Variants in LILRB2 observed in about 807,000 individuals in gnomAD.
LILRB2 encodes leukocyte immunoglobulin like receptor B2, also known as leukocyte immunoglobulin-like receptor subfamily B member 2.
A neutral mutation model predicts 72.7 loss-of-function variants in LILRB2; 47 were observed. The ratio of observed to expected loss-of-function variants is 0.65; its 90% confidence interval spans 0.51 to 0.82. LILRB2 has a LOEUF of 0.82. LILRB2 is among the 40% of genes least tolerant of loss of function. The pLI is 0.00. For synonymous variants in LILRB2, 279 were observed against 313.7 expected (o/e 0.89, Z 1.17); for missense variants, 767 against 764.8 (o/e 1.00, Z -0.03).
rs2080469426 is a variant in LILRB2, at chr19:54,279,910, T to C, written c.236A>G (p.Lys79Arg). ...GGATGGGATGTGGAACTGGCCGTTC[T>C]TCACAAGCTCTGGTCGTATCCGTGT... The part of the protein sequence containing the change: ...WITRIRPELV[K>R]NGQFHIPSIT... Residue 79 changes from lysine (K) to arginine (R), a missense_variant, in exon 4 of 14, where the codon AAG (lysine) becomes AGG (arginine). Coordinates refer to ENST00000314446, the MANE Select transcript of LILRB2 (RefSeq NM_001080978.4). The C allele has an allele frequency of 1.2e-6, 2 of 1,614,164 alleles. No homozygotes were observed. The highest frequency in any genetic ancestry group is 2.7e-5 in the African/African-American group (2 of 75,038).
Position 54,278,471 on chromosome 19 carries a change from C to T in LILRB2, c.1047G>A (p.Arg349=), listed in dbSNP as rs745320096. The T allele has an allele frequency of 1.3e-6, 2 of 1,520,094 alleles. No individual in the cohort carries two copies. Among genetic ancestry groups the T allele is most frequent in the East Asian group, 4.5e-5 (2 of 44,262 alleles). 94.2% of individuals were successfully genotyped at this position (1,520,094 alleles called of 1,614,324 possible). The change falls in exon 7 of 14, where the codon CGG becomes CGA. Residue 349 remains arginine, a synonymous_variant. Coordinates refer to ENST00000314446, the MANE Select transcript of LILRB2 (RefSeq NM_001080978.4). ...TGGTCAGAAGGAAAGTGTGGAACTGCCGCCATGACTGACACAGCAGGGTCA... is the reference window on the plus strand; with the variant it reads ...TGGTCAGAAGGAAAGTGTGGAACTGTCGCCATGACTGACACAGCAGGGTCA... The part of the protein sequence containing the change: ...ENVTLLCQSW[R]QFHTFLLTKA...
chr19:54,280,157 C>G, intron 3 of LILRB2, 82 bp from the exon 4 acceptor site: 1 of 1,609,112 alleles, frequency 6.2e-7, no homozygotes, highest in Admixed American at 1.7e-5. Flanking sequence ...CTCCAGATGC[C>G]CCCATCAGTC....
rs144777644 is a variant in LILRB2 at position 54,279,530 on chromosome 19, T to A, written c.473A>T (p.Glu158Val). 4.4e-4 allele frequency: 706 copies of A among 1,614,062 alleles called. 2 individuals are homozygous for A. The African/African-American group carries it at 5.4e-3, about 12-fold the overall frequency. ...VAFGGFILCK[E>V]GEDEHPQCLN... is the part of the protein sequence containing the mutation. ...GCATTGTGGGTGTTCATCTTCTCCT[T>A]CCTTACACAGAATGAAGCCGCCAAA... Residue 158 changes from glutamate to valine, a missense_variant, in exon 5 of 14, where the codon GAA (glutamate) becomes GTA (valine). By Grantham distance (121) the Glu-to-Val change is moderately radical. Around this residue, in one of 3 missense-constraint regions of LILRB2, gnomAD observed 599 missense variants for 568.2 expected, o/e 1.05. Transcript: ENST00000314446.
intron 5 of LILRB2, 91 bp downstream of exon 5, chr19:54,279,254 C>A: frequency 6.5e-7 from 1 of 1,544,474 alleles, no homozygotes; most frequent in Non-Finnish European, 8.8e-7. Flanking sequence ...CATCATCCCA[C>A]CTGGAACTGC....
chr19:54,275,887 G>A, intron 13 of LILRB2, 64 bp downstream of exon 13: 1 of 1,586,514 alleles, frequency 6.3e-7, no homozygotes, highest in South Asian at 1.1e-5. Flanking sequence ...GGACAGAGAA[G>A]TCCTGCTGGA....
At position 54,278,978 on chromosome 19, in the gene LILRB2, G is replaced by A; in HGVS notation, c.789C>T (p.Asp263=). Residue 263 remains aspartate (D), a synonymous_variant, in exon 6 of 14, where the codon GAC becomes GAT. Coordinates refer to ENST00000314446, the MANE Select transcript of LILRB2 (RefSeq NM_001080978.4). ...RFVLYKEGER[D]LRQLPGRQPQ... ...GCTGCCGGCCAGGGAGCTGGCGAAG[G>A]TCACGTTCCCCCTCCTTGTACAGAA... The A allele has an allele frequency of 6.2e-7, 1 of 1,614,090 alleles. No homozygotes were observed. Among genetic ancestry groups the A allele is most frequent in the Non-Finnish European group, 8.5e-7 (1 of 1,179,972 alleles).
Position 54,276,428 on chromosome 19 carries a change from A to T in LILRB2, c.1509T>A (p.Pro503=), listed in dbSNP as rs2080230921. ...STQRKADFQH[P]AGAVGPEPTD... ...TGGGCTCTGGCCCCACAGCCCCTGC[A>T]GGATGTTGGAAATCAGCCTTTCTCT... The change falls in exon 11 of 14, where the codon CCT becomes CCA. Residue 503 remains proline (P), a synonymous_variant. Coordinates refer to ENST00000314446, the MANE Select transcript of LILRB2 (RefSeq NM_001080978.4). 2 of 1,597,870 alleles carry T rather than the reference A, an allele frequency of 1.3e-6. No individual in the cohort carries two copies. The highest frequency in any genetic ancestry group is 1.7e-6 in the Non-Finnish European group (2 of 1,167,814).
Position 54,277,894 on chromosome 19 carries a change from G to T in LILRB2, c.1304C>A (p.Thr435Lys). 6.5e-7 allele frequency: 1 copy of T among 1,548,082 alleles called. No individual in the cohort carries two copies. The highest frequency in any genetic ancestry group is 8.7e-7 in the Non-Finnish European group (1 of 1,144,754). Residue 435 changes from threonine to lysine, a missense_variant, in exon 8 of 14, where the codon ACA becomes AAA. By Grantham distance (78) the Thr-to-Lys change is moderately conservative. Around this residue, in one of 3 missense-constraint regions of LILRB2, gnomAD observed 599 missense variants for 568.2 expected, o/e 1.05. Coordinates refer to ENST00000314446, the MANE Select transcript of LILRB2 (RefSeq NM_001080978.4). The stretch of plus-strand genomic sequence containing the variant: ...CAGAGGCCTCAGGGACTCACCAGGT[G>T]TGGAGATGGGACCGGTGGGTGGGGG... ...SSPPPTGPIS[T>K]PGPEDQPLTP...
At position 54,278,949 on chromosome 19, in the gene LILRB2, T is replaced by A; in HGVS notation, c.818A>T (p.Gln273Leu). 6.2e-7 allele frequency: 1 copy of A among 1,614,142 alleles called. No homozygotes were observed. The highest frequency in any genetic ancestry group is 8.5e-7 in the Non-Finnish European group (1 of 1,179,994). The part of the protein sequence containing the change: ...DLRQLPGRQP[Q>L]AGLSQANFTL... ...GAAGTTGGCCTGGGAGAGCCCAGCC[T>A]GGGGCTGCCGGCCAGGGAGCTGGCG... Residue 273 changes from glutamine (Q) to leucine (L), a missense_variant, in exon 6 of 14, where the codon CAG (glutamine) becomes CTG (leucine). Transcript: ENST00000314446.
chr19:54,275,957 G>C lies in LILRB2; in HGVS notation c.1641C>G (p.Asp547Glu), dbSNP rs146402107. 6.2e-7 allele frequency: 1 copy of C among 1,613,996 alleles called. No homozygotes were observed. The highest frequency in any genetic ancestry group is 8.5e-7 in the Non-Finnish European group (1 of 1,179,970). Residue 547 changes from aspartate to glutamate, a missense_variant, in exon 13 of 14, where the codon GAC becomes GAG. By Grantham distance (45) the Asp-to-Glu change is conservative. Around this residue, in one of 3 missense-constraint regions of LILRB2, gnomAD observed 162 missense variants for 176.7 expected, o/e 0.92. Transcript: ENST00000314446. ...GACAGGGGCGGGGTCTCACCCGAGT[G>C]TCCATCTCCACCCCATCTTCAGGCT... ...DTQPEDGVEM[D>E]TRAAASEAPQ... is the part of the protein sequence containing the mutation.
chr19:54,280,093 G>A lies in LILRB2; in HGVS notation c.71-18C>T. 1 of 1,612,990 alleles carries A rather than the reference G, an allele frequency of 6.2e-7. No individual in the cohort carries two copies. The highest frequency in any genetic ancestry group is 1.3e-5 in the African/African-American group (1 of 74,910). On this transcript the variant is annotated intron_variant, in intron 3 of 13. Transcript: ENST00000314446. ...GATGGTCCCTGGAAGGAAATCAAAG[G>A]TCAGATTCGAAGTCATTTCCCACCC... is the stretch of plus-strand genomic sequence containing the variant.
chr19:54,276,168 C>T, intron 12 of LILRB2, 96 bp downstream of exon 12: 1 of 1,593,718 alleles, frequency 6.3e-7, no homozygotes, highest in Non-Finnish European at 8.6e-7. Context: ...ACCCTGAGCC[C>T]CAGACCCTTT....
Position 54,276,793 on chromosome 19 carries a change from C to T in LILRB2, c.1480+14G>A, listed in dbSNP as rs1473998837. The stretch of plus-strand genomic sequence containing the variant: ...CCCTCGGTCGGCCCACAGGGTTTCC[C>T]CTTCCCTACTCACTCGATGTCCAGT... On this transcript the variant is annotated intron_variant, in intron 10 of 13. Transcript: ENST00000314446. 2 of 1,611,844 alleles carry T rather than the reference C, an allele frequency of 1.2e-6. No homozygotes were observed. The highest frequency in any genetic ancestry group is 1.7e-5 in the Admixed American group (1 of 59,918).
rs952239276 is a variant in LILRB2 at position 54,274,613 on chromosome 19, G to GGGCA, written c.*66_*69dup. On this transcript the variant is annotated 3_prime_UTR_variant, in exon 14 of 14. Transcript: ENST00000314446. ...ACTGGGGTTCATTGGTGTCCACTGG[G>GGGCA]GGCAGCTCCCGTGCCTTCAGCAGTC... 5.0e-6 allele frequency: 8 copies of GGGCA among 1,610,074 alleles called. 1 individual carries two copies. Among genetic ancestry groups the GGGCA allele is most frequent in the Non-Finnish European group, 6.8e-6 (8 of 1,177,352 alleles).
At chr19:54,277,792 T>A (rs1218931607) in intron 8 of LILRB2, 97 bp downstream of exon 8, 1 of 1,333,374 alleles carries the variant, frequency 7.5e-7, no homozygotes, top group African/African-American at 1.5e-5. Context: ...CAGAAGCCCT[T>A]GATTGAGTCC....
chr19:54,275,153 T>G, intron 13 of LILRB2: 2 of 1,503,316 alleles, frequency 1.3e-6, no homozygotes, highest in Non-Finnish European at 1.8e-6. Context: ...GGTGATCCGA[T>G]TACATCCCTT....
rs1337148357 is a variant in LILRB2 at position 54,277,973 on chromosome 19, G to A, written c.1259-34C>T. The A allele has an allele frequency of 5.5e-6, 8 of 1,457,306 alleles. No homozygotes were observed. In the South Asian group the frequency reaches 8.3e-5, roughly 15 times the overall value. 90.3% of individuals were successfully genotyped at this position (1,457,306 alleles called of 1,614,324 possible). ...AAGAATGAGAGGAGGGTGAGGAGCTGGGGCTTTCCTGAAGTCTCCACCTCA... is the reference window on the plus strand; with the variant it reads ...AAGAATGAGAGGAGGGTGAGGAGCTAGGGCTTTCCTGAAGTCTCCACCTCA... On this transcript the variant is annotated intron_variant, in intron 7 of 13. Coordinates refer to ENST00000314446, the MANE Select transcript of LILRB2 (RefSeq NM_001080978.4).
chr19:54,277,296 C>T (rs1569098234), intron 9 of LILRB2: 1 of 1,399,090 alleles, frequency 7.1e-7, no homozygotes, highest in African/African-American at 1.4e-5. Context: ...TGGGACGGGA[C>T]AGGCCCCCGC....
At position 54,278,467 on chromosome 19, in the gene LILRB2, A is replaced by T. The variant is rs772623031; in HGVS notation, c.1051T>A (p.Phe351Ile). The T allele has an allele frequency of 6.7e-7, 1 of 1,489,736 alleles. No homozygotes were observed. The highest frequency in any genetic ancestry group is 9.2e-7 in the Non-Finnish European group (1 of 1,083,732). The allele number at this position is 1,489,736 out of a possible 1,614,324, so 92.3% of individuals were successfully genotyped here. ...GCCTTGGTCAGAAGGAAAGTGTGGA[A>T]CTGCCGCCATGACTGACACAGCAGG... ...VTLLCQSWRQFHTFLLTKAGA... is the reference protein window; with the variant it reads ...VTLLCQSWRQIHTFLLTKAGA... The change falls in exon 7 of 14, where the codon TTC becomes ATC. Residue 351 changes from phenylalanine to isoleucine, a missense_variant. By Grantham distance (21) the Phe-to-Ile change is conservative. Transcript: ENST00000314446.
Sources: allele counts gnomAD v4.1 joint callset, GRCh38; gene constraint gnomAD v4.1.1; regional missense constraint gnomAD v4.1.1; transcripts MANE v1.5; gene names NCBI Gene and HGNC (gene_info 2026-07-23, HGNC 2026-07-21).